Variants in TAFA2 observed in about 807,000 individuals in gnomAD.
TAFA2 encodes TAFA chemokine like family member 2.
In TAFA2, 7 loss-of-function variants were observed where a neutral mutation model predicts 18.8. That is an observed-to-expected ratio of 0.37 (90% CI 0.21 to 0.70). The LOEUF (loss-of-function observed/expected upper bound fraction) is 0.70, where lower values mean the gene tolerates loss of function less well. Ranked by LOEUF, TAFA2 falls within the 30% of genes least tolerant of loss-of-function variation. TAFA2 has a pLI of 0.53. For missense variants in TAFA2, 122 were observed against 158.1 expected, an observed-to-expected ratio of 0.77 and a Z score of 1.23; for synonymous variants, 60 against 54.2, an observed-to-expected ratio of 1.11 and a Z score of -0.47.
At chr12:62,174,322 A>AAAG (rs982408910) in intron 1 of TAFA2, among the ~76,000 whole-genome samples, 1 of 150,498 alleles carries the variant, frequency 6.6e-6, no homozygotes, top group African/African-American at 2.4e-5. Flanking sequence ...CTCAAAAAAA[A>AAAG]AAGAAGAAGA....
intron 1 of TAFA2, among the ~76,000 whole-genome samples, chr12:62,041,231 T>C (rs1881749158): frequency 6.6e-6 from 1 of 152,174 alleles, no homozygotes; most frequent in Non-Finnish European, 1.5e-5. Flanking sequence ...TATCCACCTT[T>C]CATCGGTCAG....
chr12:61,822,706 C>G (rs1872370426), intron 2 of TAFA2, among the ~76,000 whole-genome samples: 1 of 152,080 alleles, frequency 6.6e-6, no homozygotes, highest in Admixed American at 6.5e-5. Flanking sequence ...GTTTATGTTT[C>G]CTGCTTTCCA....
chr12:62,149,808 T>C (rs1341289514), intron 1 of TAFA2, among the ~76,000 whole-genome samples: 5 of 152,202 alleles, frequency 3.3e-5, no homozygotes, highest in Admixed American at 6.5e-5. Flanking sequence ...AGACTATAAT[T>C]TAATATTATG....
upstream of TAFA2, among the ~76,000 whole-genome samples, chr12:62,194,674 T>A (rs1196866361): frequency 4.6e-5 from 7 of 152,192 alleles, no homozygotes; most frequent in Non-Finnish European, 1.0e-4. Context: ...CAAAATAAAA[T>A]CTTTTGCATT....
intron 1 of TAFA2, among the ~76,000 whole-genome samples, chr12:62,128,606 C>T (rs1361144385): frequency 6.6e-6 from 1 of 152,018 alleles, no homozygotes; most frequent in Non-Finnish European, 1.5e-5. Flanking sequence ...GCCCTCTCCC[C>T]GCTCTCCCTT....
At chr12:62,166,870 GC>G (rs1222758973) in intron 1 of TAFA2, among the ~76,000 whole-genome samples, 10 of 152,078 alleles carry the variant, frequency 6.6e-5, no homozygotes, top group Admixed American at 2.6e-4. Flanking sequence ...CCTGATACAC[GC>G]CAGTGAAATA....
At chr12:61,929,851 T>G (rs901305296) in intron 1 of TAFA2, among the ~76,000 whole-genome samples, 3 of 152,060 alleles carry the variant, frequency 2.0e-5, no homozygotes, top group Non-Finnish European at 2.9e-5. Flanking sequence ...TCATGTCCTT[T>G]GTAGGGACAT....
chr12:62,222,798 G>A (rs2062769590), intron 1 of TAFA2, among the ~76,000 whole-genome samples: 1 of 152,022 alleles, frequency 6.6e-6, no homozygotes, highest in African/African-American at 2.4e-5. Flanking sequence ...ACAGGCGTGA[G>A]CCATTGTGCC....
chr12:61,953,235 A>C (rs1241648100), intron 1 of TAFA2, among the ~76,000 whole-genome samples: 1 of 152,140 alleles, frequency 6.6e-6, no homozygotes, highest in African/African-American at 2.4e-5. Flanking sequence ...CTTAAAAAAA[A>C]CCCAAAAACA....
intron 1 of TAFA2, chr12:61,880,690 G>C (rs1167026333): frequency 1.1e-5 from 4 of 358,112 alleles, no homozygotes; most frequent in South Asian, 2.3e-5. Flanking sequence ...AGCCATACCA[G>C]CTCCACCAGG....
chr12:61,810,563 T>C (rs1871823032), intron 2 of TAFA2, among the ~76,000 whole-genome samples: 1 of 151,386 alleles, frequency 6.6e-6, no homozygotes, highest in South Asian at 2.1e-4. Context: ...GTTTAAATAA[T>C]GTGGCAGAAA....
intron 1 of TAFA2, among the ~76,000 whole-genome samples, chr12:62,067,513 G>A (rs1376979691): frequency 6.6e-6 from 1 of 151,954 alleles, no homozygotes; most frequent in African/African-American, 2.4e-5. Flanking sequence ...ATAGAGGTAA[G>A]TTTCATTATT....
intron 1 of TAFA2, among the ~76,000 whole-genome samples, chr12:61,928,162 G>A (rs1877388964): frequency 6.6e-6 from 1 of 152,254 alleles, no homozygotes; most frequent in Non-Finnish European, 1.5e-5. Flanking sequence ...TGACGAATGG[G>A]ATCTAATTAA....
intron 2 of TAFA2, among the ~76,000 whole-genome samples, chr12:61,764,752 C>T (rs117564729): frequency 6.6e-6 from 1 of 152,150 alleles, no homozygotes; most frequent in East Asian, 1.9e-4. Context: ...CAAACTAAAA[C>T]AAATTAACTT....
At chr12:62,138,208 C>T (rs186846569) in intron 1 of TAFA2, among the ~76,000 whole-genome samples, 4 of 152,168 alleles carry the variant, frequency 2.6e-5, no homozygotes, top group East Asian at 3.9e-4. Flanking sequence ...GGTTTGAGCC[C>T]AGGAGTTCAA....
At chr12:61,934,937 T>G (rs1877703730) in intron 1 of TAFA2, among the ~76,000 whole-genome samples, 1 of 152,206 alleles carries the variant, frequency 6.6e-6, no homozygotes, top group Non-Finnish European at 1.5e-5. Flanking sequence ...ATGTATAAAG[T>G]GAAGAACACA....
At chr12:62,009,556 C>A (rs1046677690) in intron 1 of TAFA2, among the ~76,000 whole-genome samples, 2 of 152,240 alleles carry the variant, frequency 1.3e-5, no homozygotes, top group South Asian at 4.1e-4. Context: ...GGCATTTAGA[C>A]ACGAGCAATT....
At chr12:61,852,816 G>T (rs1047765279) in intron 2 of TAFA2, among the ~76,000 whole-genome samples, 1 of 151,998 alleles carries the variant, frequency 6.6e-6, no homozygotes, top group Non-Finnish European at 1.5e-5. Flanking sequence ...CAAAATGAAG[G>T]CTTGTAGAAA....
At chr12:61,758,870 T>C (rs10877739) in intron 2 of TAFA2, among the ~76,000 whole-genome samples, 56,775 of 151,808 alleles carry the variant, frequency 0.37, 10,834 homozygotes, top group African/African-American at 0.46. Flanking sequence ...CCTCTAAATC[T>C]CTGAATGGAA....
Sources: allele counts gnomAD v4.1 joint callset (sites outside exome capture counted in the v4.1 genomes callset), GRCh38; gene constraint gnomAD v4.1.1; transcripts MANE v1.5; gene names NCBI Gene and HGNC (gene_info 2026-07-23, HGNC 2026-07-21).